SCAF8: variants seen among roughly 807,000 people sequenced by gnomAD.
The protein encoded by SCAF8 is SR-related CTD associated factor 8.
A neutral mutation model predicts 140.5 loss-of-function variants in SCAF8; 23 were observed. The observed-to-expected ratio is 0.16, with a 90% CI of 0.12 to 0.23. The LOEUF is 0.23. SCAF8 is among the 10% of genes least tolerant of loss of function. The probability of loss-of-function intolerance (pLI) is 1.00; values close to 1 mark genes in which losing one functional copy is unlikely to be tolerated. For synonymous variants in SCAF8, 575 were observed against 528.9 expected (o/e 1.09, Z -1.20); for missense variants, 1,397 against 1,555.7 (o/e 0.90, Z 1.72).
intron 1 of SCAF8, among the ~76,000 whole-genome samples, chr6:154,772,264 T>TA (rs1372824292): frequency 7.2e-5 from 11 of 152,212 alleles, no homozygotes; most frequent in Non-Finnish European, 1.5e-4. Context: ...ATTAATATCT[T>TA]ACAGTGTTAT....
chr6:154,792,549 A>T (rs935021141), intron 4 of SCAF8, among the ~76,000 whole-genome samples: 1 of 152,204 alleles, frequency 6.6e-6, no homozygotes, highest in African/African-American at 2.4e-5. Context: ...TATCATTAGA[A>T]GTGACATAAG....
At chr6:154,737,966 C>T (rs1778470625) in intron 1 of SCAF8, among the ~76,000 whole-genome samples, 1 of 152,066 alleles carries the variant, frequency 6.6e-6, no homozygotes, top group Non-Finnish European at 1.5e-5. Flanking sequence ...TTTGTCACCC[C>T]CATCTTTTAA....
chr6:154,755,417 C>G (rs1373753245), intron 1 of SCAF8, among the ~76,000 whole-genome samples: 1 of 152,076 alleles, frequency 6.6e-6, no homozygotes, highest in African/African-American at 2.4e-5. Flanking sequence ...CCATGCCCGG[C>G]TAATTTTTGT....
intron 12 of SCAF8, among the ~76,000 whole-genome samples, chr6:154,811,685 C>T (rs368421845): frequency 2.0e-5 from 3 of 151,940 alleles, no homozygotes; most frequent in South Asian, 4.2e-4. Context: ...TACCCTTCCC[C>T]CAACCCCCCA....
rs749759420 is a variant in SCAF8 at position 154,832,125 on chromosome 6, T to C, written c.2546T>C (p.Leu849Pro). The C allele has an allele frequency of 3.1e-6, 5 of 1,614,046 alleles. No individual in the cohort carries two copies. Among genetic ancestry groups the C allele is most frequent in the Non-Finnish European group, 4.2e-6 (5 of 1,179,922 alleles). ...ATTGCAGCCCAACCACCAAATATTC[T>C]AAATAACTCTGGAATATTGGGAATA... ...GIIAAQPPNI[L>P]NNSGILGIQP... Residue 849 changes from leucine to proline, a missense_variant, in exon 20 of 20, where the codon CTA becomes CCA. Around this residue, in one of 5 missense-constraint regions of SCAF8, gnomAD observed 930 missense variants for 874.6 expected, o/e 1.06. Coordinates refer to ENST00000367178, the MANE Select transcript of SCAF8 (RefSeq NM_014892.5).
chr6:154,749,735 T>C (rs1011007241), intron 1 of SCAF8, among the ~76,000 whole-genome samples: 2 of 152,096 alleles, frequency 1.3e-5, no homozygotes, highest in African/African-American at 4.8e-5. Flanking sequence ...AGGGCCTTTA[T>C]ATAGCATGCA....
chr6:154,758,546 A>G (rs971662505), intron 1 of SCAF8, among the ~76,000 whole-genome samples: 6 of 152,154 alleles, frequency 3.9e-5, no homozygotes, highest in South Asian at 2.1e-4. Context: ...TTCATGCACA[A>G]AACTAGGGGA....
intron 3 of SCAF8, among the ~76,000 whole-genome samples, chr6:154,778,769 A>ATGTGTGTGTGTGTGTGTG (rs71021079): frequency 1.4e-5 from 2 of 142,060 alleles, no homozygotes; most frequent in Admixed American, 1.4e-4. Context: ...GTCTCAAAAA[A>ATGTGTGTGTGTGTGTGTG]TGTGTGTGTG....
intron 18 of SCAF8, among the ~76,000 whole-genome samples, chr6:154,827,945 C>G (rs1214291508): frequency 2.0e-5 from 3 of 152,028 alleles, no homozygotes; most frequent in East Asian, 1.9e-4. Flanking sequence ...ACCACACTTG[C>G]ACAGGCTCTC....
At position 154,808,084 on chromosome 6, in the gene SCAF8, T is replaced by C; in HGVS notation, c.996T>C (p.Asp332=). 2.5e-6 allele frequency: 4 copies of C among 1,613,776 alleles called. No homozygotes were observed. Among genetic ancestry groups the C allele is most frequent in the Non-Finnish European group, 3.4e-6 (4 of 1,179,796 alleles). ...GTTCTCAATAGGCCACTCCTCAGGA[T>C]AGTCAGGAAGGAACCTTTGGGTCAG... is the stretch of plus-strand genomic sequence containing the variant. ...QQQPQKATPQ[D]SQEGTFGSEH... Residue 332 remains aspartate (D), a synonymous_variant, in exon 10 of 20, where the codon GAT becomes GAC. Transcript: ENST00000367178.
At chr6:154,766,293 A>G (rs1776563667) in intron 1 of SCAF8, among the ~76,000 whole-genome samples, 1 of 152,128 alleles carries the variant, frequency 6.6e-6, no homozygotes, top group Admixed American at 6.6e-5. Flanking sequence ...ACTCAGTGTA[A>G]CTTTACAGAA....
At chr6:154,746,087 T>A (rs1778692498) in intron 1 of SCAF8, among the ~76,000 whole-genome samples, 2 of 152,160 alleles carry the variant, frequency 1.3e-5, no homozygotes, top group African/African-American at 4.8e-5. Flanking sequence ...GGTTTTGCCA[T>A]GTTGGCCAGG....
rs116710927 is a variant in SCAF8 at position 154,808,792 on chromosome 6, G to T, written c.1220G>T (p.Arg407Leu). 1.2e-6 allele frequency: 2 copies of T among 1,605,588 alleles called. No homozygotes were observed. The highest frequency in any genetic ancestry group is 1.7e-6 in the Non-Finnish European group (2 of 1,172,512). ...AGATCAAGAACACATTCACGATCTC[G>T]TTCAAGGTTCTACAATGATATTTAA... ...RSRSRTHSRS[R>L]SRSPRKRRSR... Residue 407 changes from arginine to leucine, a missense_variant, in exon 11 of 20, where the codon CGT becomes CTT. Coordinates refer to ENST00000367178, the MANE Select transcript of SCAF8 (RefSeq NM_014892.5).
At chr6:154,757,522 G>T (rs973218094) in intron 1 of SCAF8, among the ~76,000 whole-genome samples, 2 of 152,162 alleles carry the variant, frequency 1.3e-5, no homozygotes, top group Non-Finnish European at 2.9e-5. Flanking sequence ...TTGGTTGCCT[G>T]TTACCTTTGA....
At chr6:154,748,363 T>G (rs1202483017) in intron 1 of SCAF8, among the ~76,000 whole-genome samples, 1 of 152,188 alleles carries the variant, frequency 6.6e-6, no homozygotes, top group Non-Finnish European at 1.5e-5. Flanking sequence ...ATATAGTTGC[T>G]TATGTGGTTT....
chr6:154,787,183 A>G (rs946427919), intron 3 of SCAF8, among the ~76,000 whole-genome samples: 1 of 152,214 alleles, frequency 6.6e-6, no homozygotes, highest in Admixed American at 6.5e-5. Context: ...GGTGAAACCA[A>G]GTCTCTTCCA....
Position 154,733,464 on chromosome 6 carries a change from GCCGAGCGGGGCTGGTTCCTGCGGC to G in SCAF8, c.-428_-405del. On this transcript the variant is annotated 5_prime_UTR_variant, in exon 1 of 20. Coordinates refer to ENST00000367178, the MANE Select transcript of SCAF8 (RefSeq NM_014892.5). ...TGCCAGCGCTTCCTCCTCTGTCTTCGCCGAGCGGGGCTGGTTCCTGCGGCCCGAGCGGCGGGGAGGTGAAACAGG... is the reference window on the plus strand; with the variant it reads ...TGCCAGCGCTTCCTCCTCTGTCTTCGCCGAGCGGCGGGGAGGTGAAACAGG... 1.5e-6 allele frequency: 2 copies of G among 1,368,100 alleles called. No homozygotes were observed. Among genetic ancestry groups the G allele is most frequent in the Non-Finnish European group, 1.9e-6 (2 of 1,062,938 alleles). The allele number at this position is 1,368,100 out of a possible 1,614,324, so 84.7% of individuals were successfully genotyped here.
In SCAF8 at chr6:154,832,573, A is replaced by T; in HGVS notation, c.2994A>T (p.Glu998Asp). ...RQSVDNVTNP[E>D]KRIPLGNDNI... is the part of the protein sequence containing the mutation. ...GCGTAGACAATGTTACTAACCCAGAAAAAAGGATACCACTTGGGAATGATA... is the reference window on the plus strand; with the variant it reads ...GCGTAGACAATGTTACTAACCCAGATAAAAGGATACCACTTGGGAATGATA... The change falls in exon 20 of 20, where the codon GAA becomes GAT. Residue 998 changes from glutamate to aspartate, a missense_variant. This residue lies in a region of SCAF8 where 930 missense variants were observed against 874.6 expected (regional missense o/e 1.06). Coordinates refer to ENST00000367178, the MANE Select transcript of SCAF8 (RefSeq NM_014892.5). 6.2e-7 allele frequency: 1 copy of T among 1,614,166 alleles called. No homozygotes were observed. The highest frequency in any genetic ancestry group is 8.5e-7 in the Non-Finnish European group (1 of 1,180,018).
At chr6:154,745,597 A>G (rs548750087) in intron 1 of SCAF8, among the ~76,000 whole-genome samples, 4 of 151,936 alleles carry the variant, frequency 2.6e-5, no homozygotes, top group Non-Finnish European at 5.9e-5. Flanking sequence ...CTGGGGTGTT[A>G]ATTTTTATCT....
Sources: gnomAD v4.1 joint callset for allele counts (sites outside exome capture counted in the v4.1 genomes callset) on GRCh38, gnomAD v4.1.1 for gene constraint, gnomAD v4.1.1 regional missense constraint, MANE v1.5 for transcripts, NCBI Gene and HGNC (gene_info 2026-07-23, HGNC 2026-07-21) for gene names.